Variants in ZNF135 observed in about 807,000 individuals in gnomAD.
ZNF135 encodes zinc finger protein 135 (clone pHZ-17).
Under a neutral mutation model 12.3 loss-of-function variants are expected in ZNF135, and 11 were observed. The ratio of observed to expected loss-of-function variants is 0.89; its 90% CI spans 0.56 to 1.48. The LOEUF (loss-of-function observed/expected upper bound fraction) is 1.48, where lower values mean the gene tolerates loss of function less well. Among genes scored for constraint, ZNF135 ranks in the 40% most tolerant of loss-of-function variants. The pLI is 0.00. For synonymous variants in ZNF135, 316 were observed against 312.0 expected, an observed-to-expected ratio of 1.01 and a Z score of -0.14; for missense variants, 722 against 815.7, an observed-to-expected ratio of 0.89 and a Z score of 1.40.
At position 58,059,789 on chromosome 19, in the gene ZNF135, A is replaced by G. The variant is rs565438127; in HGVS notation, c.-34-180A>G. 222 of 703,926 alleles carry G rather than the reference A, an allele frequency of 3.2e-4. No individual in the cohort carries two copies. In the African/African-American group the frequency reaches 3.4e-3, roughly 11 times the overall value. The allele number at this position is 703,926 out of a possible 1,614,324, so 43.6% of individuals were successfully genotyped here. ...TCAGCTTCCCTCAGACAGGCGGGAAAACCCTAGGCTGCCCTTCTCCGAGCG... is the reference window on the plus strand; with the variant it reads ...TCAGCTTCCCTCAGACAGGCGGGAAGACCCTAGGCTGCCCTTCTCCGAGCG... On this transcript the variant is annotated intron_variant, in intron 1 of 4. Coordinates refer to ENST00000313434, the MANE Select transcript of ZNF135 (RefSeq NM_001289401.2). The surrounding 1 kb of genome is among the most constrained non-coding windows in gnomAD (Gnocchi z 6.5).
In ZNF135 at chr19:58,067,791, A is replaced by G; in HGVS notation, c.1307A>G (p.Lys436Arg). 6.2e-7 allele frequency: 1 copy of G among 1,614,092 alleles called. No individual in the cohort carries two copies. The highest frequency in any genetic ancestry group is 8.5e-7 in the Non-Finnish European group (1 of 1,180,010). Residue 436 changes from lysine (K) to arginine (R), a missense_variant, in exon 5 of 5, where the codon AAG becomes AGG. Lys to Arg is a conservative substitution (Grantham distance 26). Coordinates refer to ENST00000313434, the MANE Select transcript of ZNF135 (RefSeq NM_001289401.2). The stretch of plus-strand genomic sequence containing the variant: ...CATCGGAGGATTCACACAGGAGAGA[A>G]GCCCTATGGATGCAACGAGTGTGGG... ...TEHRRIHTGEKPYGCNECGKT... is the reference protein window; with the variant it reads ...TEHRRIHTGERPYGCNECGKT...
At position 58,063,522 on chromosome 19, in the gene ZNF135, TC is replaced by T. The variant is rs752403961; in HGVS notation, c.241del (p.Gln81LysfsTer18). The T allele has an allele frequency of 1.9e-6, 3 of 1,614,048 alleles. No homozygotes were observed. Among genetic ancestry groups the T allele is most frequent in the Non-Finnish European group, 2.5e-6 (3 of 1,179,974 alleles). ...AGCTGTGGGCGGTGGAGTCTAGACT[TC>T]CCCAAGGCGTGTACCCAGGTGAGAT... ...AELWAVESRL[P>X]QGVYPDLETR... is the part of the protein sequence containing the mutation. On this transcript the variant is annotated frameshift_variant, in exon 4 of 5. Coordinates refer to ENST00000313434, the MANE Select transcript of ZNF135 (RefSeq NM_001289401.2). LOFTEE classifies it low-confidence loss of function (END_TRUNC). The surrounding 1 kb of genome is among the most constrained non-coding windows in gnomAD (Gnocchi z 4.4).
Position 58,068,397 on chromosome 19 carries a change from A to G in ZNF135, c.1913A>G (p.Asp638Gly). ...GGAGAGAAGCCATATGCATGCAGGG[A>G]CTGTGGAAAGGCCTTTACCCACAGC... ...HTGEKPYACR[D>G]CGKAFTHSSS... The change falls in exon 5 of 5, where the codon GAC becomes GGC. Residue 638 changes from aspartate (D) to glycine (G), a missense_variant. Coordinates refer to ENST00000313434, the MANE Select transcript of ZNF135 (RefSeq NM_001289401.2). The G allele has an allele frequency of 1.2e-6, 2 of 1,614,162 alleles. No individual in the cohort carries two copies. Among genetic ancestry groups the G allele is most frequent in the Non-Finnish European group, 1.7e-6 (2 of 1,180,012 alleles).
chr19:58,068,188 C>T lies in ZNF135; in HGVS notation c.1704C>T (p.His568=), dbSNP rs770009481. The change falls in exon 5 of 5, where the codon CAC becomes CAT. Residue 568 remains histidine (H), a synonymous_variant. Transcript: ENST00000313434. The stretch of plus-strand genomic sequence containing the variant: ...GCCAGAGCTCCCTTCTCATCGAACA[C>T]CAGAGGATTCACACCAAGGAAAAGC... ...AFSQSSLLIE[H]QRIHTKEKPY... 32 of 1,613,486 alleles carry T rather than the reference C, an allele frequency of 2.0e-5. No homozygotes were observed. The highest frequency in any genetic ancestry group is 2.7e-5 in the Non-Finnish European group (32 of 1,179,916).
rs1331694585 is a variant in ZNF135 at position 58,065,856 on chromosome 19, A to G, written c.257-885A>G. On this transcript the variant is annotated intron_variant, in intron 4 of 4. Transcript: ENST00000313434. This position sits in a 1 kb window ranked among gnomAD's most constrained non-coding sequence, Gnocchi z 4.0. The stretch of plus-strand genomic sequence containing the variant: ...TAATTGAACTTTTCACTGAAACATA[A>G]CAATATGGGGAAGGTGCCCACATCA... Among the ~76,000 whole-genome samples, 3 of 151,962 alleles carry G rather than the reference A, an allele frequency of 2.0e-5. No homozygotes were observed. Among genetic ancestry groups the G allele is most frequent in the East Asian group, 1.9e-4 (1 of 5,178 alleles).
chr19:58,062,907 C>T (rs2074005704), intron 3 of ZNF135, among the ~76,000 whole-genome samples: 1 of 151,740 alleles, frequency 6.6e-6, no homozygotes, highest in Non-Finnish European at 1.5e-5. Context: ...CCCAGGCTGC[C>T]CTCAAGCTTC....
chr19:58,060,178 G>T lies in ZNF135; in HGVS notation c.33+143G>T. The stretch of plus-strand genomic sequence containing the variant: ...CCTTGTGCCCGGCCCCTACTTGCGT[G>T]CCCGGCCCCTACTCGTGCCCGGCCT... On this transcript the variant is annotated intron_variant, in intron 2 of 4. Transcript: ENST00000313434. The surrounding 1 kb of genome is among the most constrained non-coding windows in gnomAD (Gnocchi z 4.9). The T allele has an allele frequency of 1.3e-6, 2 of 1,517,276 alleles. No homozygotes were observed. Among genetic ancestry groups the T allele is most frequent in the East Asian group, 2.5e-5 (1 of 40,582 alleles). The allele number at this position is 1,517,276 out of a possible 1,614,324, so 94.0% of individuals were successfully genotyped here.
intron 2 of ZNF135, 132 bp from the exon 3 acceptor site, chr19:58,061,448 A>G: frequency 8.3e-7 from 1 of 1,210,742 alleles, no homozygotes; most frequent in Non-Finnish European, 1.1e-6. Flanking sequence ...CAGGCCCCAC[A>G]GAAAAACCTG....
Position 58,067,529 on chromosome 19 carries a change from A to G in ZNF135, c.1045A>G (p.Thr349Ala), listed in dbSNP as rs1279442814. ...IHLTQHLRIH[T>A]GEKPYQCGEC... ...CCTCACCCAGCATCTGCGAATCCAC[A>G]CTGGGGAGAAACCCTATCAGTGTGG... The change falls in exon 5 of 5, where the codon ACT becomes GCT. Residue 349 changes from threonine (T) to alanine (A), a missense_variant. By Grantham distance (58) the Thr-to-Ala change is moderately conservative. Coordinates refer to ENST00000313434, the MANE Select transcript of ZNF135 (RefSeq NM_001289401.2). 10 of 1,613,804 alleles carry G rather than the reference A, an allele frequency of 6.2e-6. No homozygotes were observed. The highest frequency in any genetic ancestry group is 8.5e-6 in the Non-Finnish European group (10 of 1,179,946).
In ZNF135 at chr19:58,067,816, G is replaced by A; in HGVS notation, c.1332G>A (p.Gly444=). The A allele has an allele frequency of 1.9e-6, 3 of 1,611,702 alleles. No individual in the cohort carries two copies. Among genetic ancestry groups the A allele is most frequent in the Non-Finnish European group, 2.5e-6 (3 of 1,179,386 alleles). ...GEKPYGCNEC[G]KTFSHSSSLS... is the part of the protein sequence containing the mutation. ...AGCCCTATGGATGCAACGAGTGTGG[G>A]AAAACCTTCAGCCACAGCTCCTCAC... Residue 444 remains glycine (G), a synonymous_variant, in exon 5 of 5, where the codon GGG becomes GGA. Transcript: ENST00000313434.
rs769790176 is a variant in ZNF135, at chr19:58,063,698, C to T, written c.256+157C>T. The T allele has an allele frequency of 1.6e-5, 23 of 1,415,032 alleles. No homozygotes were observed. Among genetic ancestry groups the T allele is most frequent in the African/African-American group, 4.3e-5 (3 of 69,136 alleles). The allele number at this position is 1,415,032 out of a possible 1,614,324, so 87.7% of individuals were successfully genotyped here. On this transcript the variant is annotated intron_variant, in intron 4 of 4. Transcript: ENST00000313434. This position sits in a 1 kb window ranked among gnomAD's most constrained non-coding sequence, Gnocchi z 4.4. ...CATTTTGCTGTGAGTGACGACACCACGTCCTCATCTCCACTGAATTTATAT... is the reference window on the plus strand; with the variant it reads ...CATTTTGCTGTGAGTGACGACACCATGTCCTCATCTCCACTGAATTTATAT...
rs1291287047 is a variant in ZNF135, at chr19:58,059,350, C to CGGGCT, written c.-35+44_-35+45insTGGGC. 1 of 766,920 alleles carries CGGGCT rather than the reference C, an allele frequency of 1.3e-6. No homozygotes were observed. Among genetic ancestry groups the CGGGCT allele is most frequent in the African/African-American group, 2.5e-5 (1 of 40,636 alleles). The allele number at this position is 766,920 out of a possible 1,614,324, so 47.5% of individuals were successfully genotyped here. ...CGAGGAGGGGGAGGGGAGGCCAGGC[C>CGGGCT]GGGCCGGGCCGGGCCGGGTGCGGGG... On this transcript the variant is annotated intron_variant, in intron 1 of 4. Coordinates refer to ENST00000313434, the MANE Select transcript of ZNF135 (RefSeq NM_001289401.2). The surrounding 1 kb of genome is among the most constrained non-coding windows in gnomAD (Gnocchi z 6.5).
At chr19:58,061,766 C>T in intron 3 of ZNF135, 60 bp downstream of exon 3, 1 of 1,545,336 alleles carries the variant, frequency 6.5e-7, no homozygotes. Context: ...CTGATTCTAC[C>T]AGGTTAAATA....
chr19:58,064,941 C>T (rs930822667), intron 4 of ZNF135, among the ~76,000 whole-genome samples: 1 of 152,120 alleles, frequency 6.6e-6, no homozygotes, highest in African/African-American at 2.4e-5. Context: ...CAACAATAAG[C>T]TATTAATAGT....
intron 2 of ZNF135, 24 bp from the exon 3 acceptor site, chr19:58,061,556 G>A (rs765835003): frequency 1.2e-6 from 2 of 1,604,892 alleles, no homozygotes; most frequent in Non-Finnish European, 1.7e-6. Flanking sequence ...TGGCTTGGCT[G>A]AGGACACTCG....
In ZNF135 at chr19:58,065,920, C is replaced by T. The variant is rs2074058379; in HGVS notation, c.257-821C>T. Among the ~76,000 whole-genome samples the T allele has an allele frequency of 6.6e-6, 1 of 152,036 alleles. No individual in the cohort carries two copies. Among genetic ancestry groups the T allele is most frequent in the African/African-American group, 2.4e-5 (1 of 41,492 alleles). ...CTGTGGGGTCAGGGTAGGGGCAGCACACACCCAGGTCATGGCTGTGCAGAG... is the reference window on the plus strand; with the variant it reads ...CTGTGGGGTCAGGGTAGGGGCAGCATACACCCAGGTCATGGCTGTGCAGAG... On this transcript the variant is annotated intron_variant, in intron 4 of 4. Coordinates refer to ENST00000313434, the MANE Select transcript of ZNF135 (RefSeq NM_001289401.2). This position sits in a 1 kb window ranked among gnomAD's most constrained non-coding sequence, Gnocchi z 4.0.
At chr19:58,061,489 T>G (rs986008113) in intron 2 of ZNF135, 91 bp from the exon 3 acceptor site, 1 of 1,504,076 alleles carries the variant, frequency 6.6e-7, no homozygotes, top group African/African-American at 1.4e-5. Context: ...GGGAACTCCA[T>G]CCGACCCAGC....
Position 58,060,171 on chromosome 19 carries a change from C to T in ZNF135, c.33+136C>T, listed in dbSNP as rs2073947747. ...GCCTCCTCCTTGTGCCCGGCCCCTA[C>T]TTGCGTGCCCGGCCCCTACTCGTGC... is the stretch of plus-strand genomic sequence containing the variant. On this transcript the variant is annotated intron_variant, in intron 2 of 4. Transcript: ENST00000313434. This position sits in a 1 kb window ranked among gnomAD's most constrained non-coding sequence, Gnocchi z 4.9. 1.3e-6 allele frequency: 2 copies of T among 1,534,174 alleles called. No homozygotes were observed. The highest frequency in any genetic ancestry group is 4.8e-5 in the East Asian group (2 of 41,468).
Position 58,067,724 on chromosome 19 carries a change from G to T in ZNF135, c.1240G>T (p.Glu414Ter), listed in dbSNP as rs1203964264. ...HTGEKPYECG[E>*]CGKAFSQSTL... is the part of the protein sequence containing the mutation. Reference sequence around the variant, plus strand: ...AGGAGAAAAGCCCTATGAGTGTGGTGAGTGTGGGAAAGCCTTCAGTCAGAG... The same window carrying T: ...AGGAGAAAAGCCCTATGAGTGTGGTTAGTGTGGGAAAGCCTTCAGTCAGAG... The change falls in exon 5 of 5, where the codon GAG becomes TAG. Residue 414 changes from glutamate to a stop codon, truncating the protein, a stop_gained. Coordinates refer to ENST00000313434, the MANE Select transcript of ZNF135 (RefSeq NM_001289401.2). LOFTEE classifies it low-confidence loss of function (END_TRUNC). The T allele has an allele frequency of 6.2e-7, 1 of 1,613,966 alleles. No individual in the cohort carries two copies. The highest frequency in any genetic ancestry group is 8.5e-7 in the Non-Finnish European group (1 of 1,179,978).
Sources: gnomAD v4.1 joint callset for allele counts (sites outside exome capture counted in the v4.1 genomes callset) on GRCh38, gnomAD v4.1.1 for gene constraint, Gnocchi (gnomAD v3.1) non-coding constraint, MANE v1.5 for transcripts, NCBI Gene and HGNC (gene_info 2026-07-23, HGNC 2026-07-21) for gene names.